Variants in NEO1 observed in about 807,000 individuals in gnomAD.
NEO1 encodes neogenin.
Under a neutral mutation model 159.7 loss-of-function variants are expected in NEO1, and 63 were observed. The observed-to-expected ratio is 0.39, with a 90% confidence interval of 0.32 to 0.49. NEO1 has a LOEUF of 0.49. Ranked by LOEUF, NEO1 falls within the 20% of genes least tolerant of loss-of-function variation. NEO1 has a pLI of 0.85. For missense variants in NEO1, 1,615 were observed against 1,831.0 expected (o/e 0.88, Z 2.15); for synonymous variants, 633 against 662.0 (o/e 0.96, Z 0.67).
Position 73,302,713 on chromosome 15 carries a change from C to G in NEO1, c.*17C>G. 6.2e-6 allele frequency: 10 copies of G among 1,611,306 alleles called. No homozygotes were observed. Among genetic ancestry groups the G allele is most frequent in the Non-Finnish European group, 8.5e-6 (10 of 1,177,988 alleles). On this transcript the variant is annotated 3_prime_UTR_variant, in exon 29 of 29. Transcript: ENST00000261908. ...ACAGCATGACGACCTTCACCAGGAC[C>G]TGACTTCAAACCTGAGTCTGGAAGT... is the stretch of plus-strand genomic sequence containing the variant.
intron 1 of NEO1, among the ~76,000 whole-genome samples, chr15:73,079,103 A>G (rs916041270): frequency 2.0e-5 from 3 of 152,192 alleles, no homozygotes; most frequent in African/African-American, 7.2e-5. Context: ...AGAGTTGTGT[A>G]TGGCAAAGAG....
chr15:73,279,351 G>GTTTTTGTTTTTGTTTTTGTTTTTTTTTT (rs2041577119), intron 22 of NEO1, among the ~76,000 whole-genome samples: 86 of 119,342 alleles, frequency 7.2e-4, no homozygotes, highest in African/African-American at 2.4e-3. Flanking sequence ...TTTGGTTTTG[G>GTTTTTGTTTTTGTTTTTGTTTTTTTTTT]TTTTTTTTTT....
intron 15 of NEO1, among the ~76,000 whole-genome samples, chr15:73,262,029 GTC>G (rs2040641033): frequency 1.3e-5 from 2 of 152,098 alleles, no homozygotes; most frequent in Admixed American, 1.3e-4. Context: ...GGAGAAGACA[GTC>G]TTTTTAACAA....
intron 22 of NEO1, among the ~76,000 whole-genome samples, chr15:73,279,845 G>T (rs2041609857): frequency 6.6e-6 from 1 of 152,184 alleles, no homozygotes; most frequent in Non-Finnish European, 1.5e-5. Context: ...AGCATGTGCA[G>T]AGGCATGGCA....
At chr15:73,154,174 AG>A (rs2033597788) in intron 5 of NEO1, among the ~76,000 whole-genome samples, 1 of 152,136 alleles carries the variant, frequency 6.6e-6, no homozygotes, top group Non-Finnish European at 1.5e-5. Context: ...CCAGATTAAA[AG>A]CTCAGGACTT....
chr15:73,065,296 C>G (rs2068160700), intron 1 of NEO1, among the ~76,000 whole-genome samples: 1 of 150,802 alleles, frequency 6.6e-6, no homozygotes, highest in Non-Finnish European at 1.5e-5. Context: ...GTGAGTTGCT[C>G]TTCATTTTTT....
chr15:73,141,849 G>A (rs924326819), intron 5 of NEO1, among the ~76,000 whole-genome samples: 5 of 152,010 alleles, frequency 3.3e-5, no homozygotes, highest in East Asian at 3.9e-4. Flanking sequence ...TCTTGGCTTC[G>A]GGATAAAAAG....
At chr15:73,267,766 A>G (rs1021468132) in intron 16 of NEO1, among the ~76,000 whole-genome samples, 2 of 151,652 alleles carry the variant, frequency 1.3e-5, no homozygotes, top group African/African-American at 2.4e-5. Flanking sequence ...TATGTGCCAC[A>G]TTTTCTTAAT....
At chr15:73,100,425 C>G (rs2070338404) in intron 1 of NEO1, among the ~76,000 whole-genome samples, 1 of 151,890 alleles carries the variant, frequency 6.6e-6, no homozygotes. Context: ...CCCTGTGCCT[C>G]CCAGGTTCAA....
At chr15:73,251,292 C>G (rs1306580905) in intron 11 of NEO1, among the ~76,000 whole-genome samples, 1 of 151,980 alleles carries the variant, frequency 6.6e-6, no homozygotes, top group Non-Finnish European at 1.5e-5. Context: ...GGGCAACTTA[C>G]TTGAGCCCAA....
intron 7 of NEO1, among the ~76,000 whole-genome samples, chr15:73,210,236 G>C (rs894847183): frequency 2.6e-5 from 4 of 152,170 alleles, no homozygotes; most frequent in African/African-American, 9.7e-5. Context: ...CTTACCAAGA[G>C]GACAGCTCTT....
intron 7 of NEO1, among the ~76,000 whole-genome samples, chr15:73,209,137 G>A (rs1290799519): frequency 1.3e-5 from 2 of 152,158 alleles, no homozygotes; most frequent in Non-Finnish European, 2.9e-5. Context: ...AAAAAGTTAT[G>A]AATTGTATTA....
intron 1 of NEO1, among the ~76,000 whole-genome samples, chr15:73,083,707 A>G (rs1175364584): frequency 6.6e-6 from 1 of 152,164 alleles, no homozygotes; most frequent in Non-Finnish European, 1.5e-5. Context: ...TGTGCTGTAC[A>G]TGTTATTTTC....
In NEO1 at chr15:73,270,417, A is replaced by T. The variant is rs754728953; in HGVS notation, c.2820A>T (p.Thr940=). The T allele has an allele frequency of 6.2e-7, 1 of 1,614,062 alleles. No individual in the cohort carries two copies. The highest frequency in any genetic ancestry group is 1.1e-5 in the South Asian group (1 of 91,086). The change falls in exon 18 of 29, where the codon ACA becomes ACT. Residue 940 remains threonine (T), a synonymous_variant. Transcript: ENST00000261908. ...TGACCAAAGGTCGAAGATCAAGTACATGGAGTATGACAGCCCATGGGACCA... is the reference window on the plus strand; with the variant it reads ...TGACCAAAGGTCGAAGATCAAGTACTTGGAGTATGACAGCCCATGGGACCA... The part of the protein sequence containing the change: ...VMVTKGRRSS[T]WSMTAHGTTF...
At chr15:73,106,776 T>A (rs904668890) in intron 1 of NEO1, among the ~76,000 whole-genome samples, 1 of 152,212 alleles carries the variant, frequency 6.6e-6, no homozygotes, top group Non-Finnish European at 1.5e-5. Context: ...CTACTAGGGA[T>A]GGGGAATTGA....
intron 1 of NEO1, among the ~76,000 whole-genome samples, chr15:73,079,144 T>C (rs1165683521): frequency 6.6e-6 from 1 of 152,212 alleles, no homozygotes; most frequent in African/African-American, 2.4e-5. Flanking sequence ...TTTGGAATCT[T>C]ATTGTTACTG....
At chr15:73,291,431 A>G (rs2042161377) in intron 25 of NEO1, among the ~76,000 whole-genome samples, 1 of 152,314 alleles carries the variant, frequency 6.6e-6, no homozygotes, top group South Asian at 2.1e-4. Context: ...TTGTGCCTTA[A>G]CAGTTGGGTG....
intron 12 of NEO1, among the ~76,000 whole-genome samples, chr15:73,254,278 A>G (rs1057209428): frequency 2.6e-5 from 4 of 151,906 alleles, no homozygotes; most frequent in South Asian, 2.1e-4. Flanking sequence ...AAAGAGTTTT[A>G]TATGGAAATT....
chr15:73,220,912 T>A (rs925655650), intron 7 of NEO1, among the ~76,000 whole-genome samples: 1 of 152,240 alleles, frequency 6.6e-6, no homozygotes, highest in Non-Finnish European at 1.5e-5. Context: ...GTCTGAAGCC[T>A]TCTTCTCTCA....
Sources: gnomAD v4.1 joint callset for allele counts (sites outside exome capture counted in the v4.1 genomes callset) on GRCh38, gnomAD v4.1.1 for gene constraint, MANE v1.5 for transcripts, NCBI Gene and HGNC (gene_info 2026-07-23, HGNC 2026-07-21) for gene names.